The following C1orf232 variants were observed in gnomAD, a reference collection of about 807,000 sequenced individuals.
The protein encoded by C1orf232 is chromosome 1 open reading frame 230.
In C1orf232, 10 loss-of-function variants were observed where a neutral mutation model predicts 12.1. The ratio of observed to expected loss-of-function variants is 0.82; its 90% CI spans 0.51 to 1.40. The LOEUF (loss-of-function observed/expected upper bound fraction) is 1.40. Ranked by LOEUF, C1orf232 falls within the 40% of genes most tolerant of loss-of-function variation. The probability of loss-of-function intolerance (pLI) is 0.00; values close to 1 mark genes in which losing one functional copy is unlikely to be tolerated. For synonymous variants in C1orf232, 36 were observed against 39.8 expected (o/e 0.90, Z 0.36); for missense variants, 88 against 98.4 (o/e 0.89, Z 0.45).
At chr1:26,166,990 A>G (rs992329202) in intron 1 of C1orf232, among the ~76,000 whole-genome samples, 2 of 152,182 alleles carry the variant, frequency 1.3e-5, no homozygotes, top group Non-Finnish European at 2.9e-5. Context: ...ACACCTTCAC[A>G]TACACTTTCA....
intron 1 of C1orf232, among the ~76,000 whole-genome samples, chr1:26,166,378 G>T (rs914005757): frequency 6.6e-6 from 1 of 152,056 alleles, no homozygotes; most frequent in African/African-American, 2.4e-5. Context: ...GGGTGCAGTG[G>T]TGCGATCTCG....
At chr1:26,167,894 G>A (rs1305918893) in intron 1 of C1orf232, among the ~76,000 whole-genome samples, 3 of 152,194 alleles carry the variant, frequency 2.0e-5, no homozygotes, top group African/African-American at 7.2e-5. Context: ...AAAGTGCTAG[G>A]ATTACAGGCA....
At chr1:26,166,179 TCCA>T in intron 1 of C1orf232, 61 bp from the exon 2 acceptor site, 3 of 1,174,558 alleles carry the variant, frequency 2.6e-6, no homozygotes, top group Non-Finnish European at 3.2e-6. Context: ...ATCTCCCTCC[TCCA>T]CTGCTAGCCT....
rs1295587551 is a variant in C1orf232 at position 26,166,303 on chromosome 1, AT to A, written c.85-186del. 4.6e-5 allele frequency among the ~76,000 whole-genome samples: 7 copies of A among 152,160 alleles called. No individual in the cohort carries two copies. The East Asian group carries it at 9.7e-4, about 21-fold the overall frequency. ...GCATACAGGTATACCTGCAGAGTAA[AT>A]CCCTGCAGACACCCTTTTTTTCCTT... On this transcript the variant is annotated intron_variant, in intron 1 of 3. Transcript: ENST00000634842.
In C1orf232 at chr1:26,165,830, C is replaced by A; in HGVS notation, c.262G>T (p.Asp88Tyr). Residue 88 changes from aspartate to tyrosine, a missense_variant, in exon 3 of 4, where the codon GAC becomes TAC. Asp to Tyr is a radical substitution (Grantham distance 160). Coordinates refer to ENST00000634842, the MANE Select transcript of C1orf232 (RefSeq NM_001364669.2). ...DKLLPSEPCA[D>Y]HPLAARPPSQ... ...CACAAACACACACGCACATACTGGT[C>A]AGCGCAAGGCTCTGATGGCAGCAGC... The A allele has an allele frequency of 8.1e-7, 1 of 1,231,770 alleles. No individual in the cohort carries two copies. The highest frequency in any genetic ancestry group is 4.1e-5 in the South Asian group (1 of 24,300). 76.3% of individuals were successfully genotyped at this position (1,231,770 alleles called of 1,614,324 possible).
At position 26,164,865 on chromosome 1, in the gene C1orf232, CCT is replaced by C. The variant is rs1557611680; in HGVS notation, c.267-412_267-411del. On this transcript the variant is annotated intron_variant, in intron 3 of 3. Coordinates refer to ENST00000634842, the MANE Select transcript of C1orf232 (RefSeq NM_001364669.2). The surrounding 1 kb of genome is among the most constrained non-coding windows in gnomAD (Gnocchi z 4.2). ...GAGCGGGAGGGCTGTTCAGATCCCC[CCT>C]GAGGGAAGCCCTGGGGAAAAGAGGC... 1.3e-5 allele frequency among the ~76,000 whole-genome samples: 2 copies of C among 151,910 alleles called. No individual in the cohort carries two copies. The highest frequency in any genetic ancestry group is 4.8e-5 in the African/African-American group (2 of 41,326).
intron 3 of C1orf232, chr1:26,165,609 T>C: frequency 1.2e-6 from 1 of 822,956 alleles, no homozygotes; most frequent in Non-Finnish European, 1.6e-6. Context: ...TTCTAGCACC[T>C]CAATCCCAAC....
chr1:26,166,632 C>T (rs1032612070), intron 1 of C1orf232, among the ~76,000 whole-genome samples: 104 of 152,258 alleles, frequency 6.8e-4, no homozygotes, highest in Admixed American at 6.3e-3. Context: ...CACCCTTGAG[C>T]ACACATACCT....
rs765745401 is a variant in C1orf232 at position 26,168,515 on chromosome 1, G to A, written c.-16C>T. On this transcript the variant is annotated 5_prime_UTR_variant, in exon 1 of 4. Coordinates refer to ENST00000634842, the MANE Select transcript of C1orf232 (RefSeq NM_001364669.2). ...CCTGGTTCATGGCTGCAGGGGGAAG[G>A]GGCCTGGCACGCAAGCACAGGAAGG... The A allele has an allele frequency of 4.9e-5, 60 of 1,231,674 alleles. No homozygotes were observed. The highest frequency in any genetic ancestry group is 6.1e-5 in the Non-Finnish European group (60 of 987,894). 76.3% of individuals were successfully genotyped at this position (1,231,674 alleles called of 1,614,324 possible). A position where few individuals can be genotyped will look rare whatever the true frequency, so the allele number is the denominator to read the frequency against.
At position 26,164,542 on chromosome 1, in the gene C1orf232, CG is replaced by C. The variant is rs1255071208; in HGVS notation, c.267-88del. 3.1e-5 allele frequency: 11 copies of C among 358,880 alleles called. No homozygotes were observed. Among genetic ancestry groups the C allele is most frequent in the South Asian group, 1.4e-4 (1 of 7,220 alleles). 22.2% of individuals were successfully genotyped at this position (358,880 alleles called of 1,614,324 possible). On this transcript the variant is annotated intron_variant, in intron 3 of 3. Transcript: ENST00000634842. This position sits in a 1 kb window ranked among gnomAD's most constrained non-coding sequence, Gnocchi z 4.2. Reference sequence around the variant, plus strand: ...GGCTGACGGAGGAGTTTAGTGGGGCCGGGGGAACCTGGGCGGAGTCAGGGGC... The same window carrying C: ...GGCTGACGGAGGAGTTTAGTGGGGCCGGGGAACCTGGGCGGAGTCAGGGGC...
chr1:26,165,684 G>A (rs1305663296), intron 3 of C1orf232, 142 bp downstream of exon 3: 35 of 1,214,734 alleles, frequency 2.9e-5, no homozygotes, highest in South Asian at 4.3e-5. Flanking sequence ...CCTGTTTCCT[G>A]CTGAGAGAAA....
Position 26,166,021 on chromosome 1 carries a change from G to GT in C1orf232, c.168+13_168+14insA. 1.6e-6 allele frequency: 2 copies of GT among 1,231,708 alleles called. No homozygotes were observed. Among genetic ancestry groups the GT allele is most frequent in the Non-Finnish European group, 2.0e-6 (2 of 987,974 alleles). 76.3% of individuals were successfully genotyped at this position (1,231,708 alleles called of 1,614,324 possible). On this transcript the variant is annotated intron_variant, in intron 2 of 3. Coordinates refer to ENST00000634842, the MANE Select transcript of C1orf232 (RefSeq NM_001364669.2). ...GCTGCCCAGGGTTGGGGTGGAAGAA[G>GT]GGAGAATACTCACCCGGCGGGCCAG...
At position 26,168,737 on chromosome 1, in the gene C1orf232, A is replaced by G. The variant is rs1460168131; in HGVS notation, c.-238T>C. 1.3e-5 allele frequency among the ~76,000 whole-genome samples: 2 copies of G among 152,082 alleles called. No individual in the cohort carries two copies. Among genetic ancestry groups the G allele is most frequent in the Non-Finnish European group, 2.9e-5 (2 of 68,004 alleles). The stretch of plus-strand genomic sequence containing the variant: ...TCTGCCACCTTAGCCCCTTGTCTTG[A>G]CCCATATTGGCCAAGAATAATGAAG... On this transcript the variant is annotated 5_prime_UTR_variant, in exon 1 of 4. Coordinates refer to ENST00000634842, the MANE Select transcript of C1orf232 (RefSeq NM_001364669.2).
intron 1 of C1orf232, among the ~76,000 whole-genome samples, chr1:26,166,391 T>C (rs1387954073): frequency 6.6e-6 from 1 of 152,068 alleles, no homozygotes; most frequent in African/African-American, 2.4e-5. Context: ...CGATCTCGGC[T>C]CACTGCAACC....
intron 1 of C1orf232, among the ~76,000 whole-genome samples, chr1:26,167,510 A>G (rs2088438711): frequency 6.6e-6 from 1 of 152,162 alleles, no homozygotes; most frequent in Non-Finnish European, 1.5e-5. Context: ...TTTTTAGTAG[A>G]GGCAGGGTTT....
rs150709010 is a variant in C1orf232 at position 26,164,984 on chromosome 1, A to C, written c.267-529T>G. On this transcript the variant is annotated intron_variant, in intron 3 of 3. Transcript: ENST00000634842. This position sits in a 1 kb window ranked among gnomAD's most constrained non-coding sequence, Gnocchi z 4.2. ...GGAGCGACAGGAAGGCCTAGGTCAG[A>C]GGCTTAGGGGAGAGCGCGGGACTCA... 4.3e-3 allele frequency among the ~76,000 whole-genome samples: 651 copies of C among 151,832 alleles called. 2 individuals are homozygous for C. Among genetic ancestry groups the C allele is most frequent in the Middle Eastern group, 6.8e-3 (2 of 294 alleles).
intron 1 of C1orf232, among the ~76,000 whole-genome samples, chr1:26,166,637 A>G (rs1312753215): frequency 1.3e-5 from 2 of 152,134 alleles, no homozygotes; most frequent in African/African-American, 4.8e-5. Flanking sequence ...TTGAGCACAC[A>G]TACCTGCCCA....
intron 2 of C1orf232, 30 bp downstream of exon 2, chr1:26,166,005 G>T: frequency 8.1e-7 from 1 of 1,231,656 alleles, no homozygotes; most frequent in Non-Finnish European, 1.0e-6. Flanking sequence ...GGCTGCCCAG[G>T]GTTGGGGTGG....
At position 26,164,617 on chromosome 1, in the gene C1orf232, G is replaced by C. The variant is rs2088405748; in HGVS notation, c.267-162C>G. Among the ~76,000 whole-genome samples, 1 of 152,090 alleles carries C rather than the reference G, an allele frequency of 6.6e-6. No individual in the cohort carries two copies. Among genetic ancestry groups the C allele is most frequent in the South Asian group, 2.1e-4 (1 of 4,826 alleles). ...GACCAGTGGGGGACCGGGACGAGGA[G>C]GAGGGTCAGGGCCTGGAGGCAAGGG... On this transcript the variant is annotated intron_variant, in intron 3 of 3. Transcript: ENST00000634842. The surrounding 1 kb of genome is among the most constrained non-coding windows in gnomAD (Gnocchi z 4.2).
Sources: allele counts gnomAD v4.1 joint callset (sites outside exome capture counted in the v4.1 genomes callset), GRCh38; gene constraint gnomAD v4.1.1; non-coding constraint Gnocchi (gnomAD v3.1); transcripts MANE v1.5; gene names NCBI Gene and HGNC (gene_info 2026-07-23, HGNC 2026-07-21).